Variants in DNAH1 observed in about 807,000 individuals in gnomAD.
DNAH1 encodes axonemal beta dynein heavy chain 1.
A neutral mutation model predicts 484.3 loss-of-function variants in DNAH1; 327 were observed. The observed-to-expected ratio is 0.68, with a 90% CI of 0.62 to 0.74. DNAH1 has a LOEUF of 0.74. Among genes scored for constraint, DNAH1 ranks in the 30% least tolerant of loss-of-function variants. The pLI is 0.00. For synonymous variants in DNAH1, 2,192 were observed against 2,191.9 expected, an observed-to-expected ratio of 1.00 and a Z score of 0.00; for missense variants, 5,052 against 5,546.8, an observed-to-expected ratio of 0.91 and a Z score of 2.83.
In DNAH1 at chr3:52,345,650, T is replaced by TC. The variant is rs1559507783; in HGVS notation, c.1602dup (p.Lys535GlnfsTer9). On this transcript the variant is annotated frameshift_variant, in exon 10 of 78. Coordinates refer to ENST00000420323, the MANE Select transcript of DNAH1 (RefSeq NM_015512.5). LOFTEE classifies it high-confidence loss of function. ...CATGTCCCTGTTCCACTCGAGCCTC[T>TC]CCAAGTACAGCCACCTGGAGGAATT... 1 of 1,612,904 alleles carries TC rather than the reference T, an allele frequency of 6.2e-7. No homozygotes were observed. The highest frequency in any genetic ancestry group is 1.1e-5 in the South Asian group (1 of 90,758).
rs768831672 is a variant in DNAH1, at chr3:52,359,294, G to A, written c.4315G>A (p.Ala1439Thr). The A allele has an allele frequency of 4.0e-5, 62 of 1,568,864 alleles. No homozygotes were observed. The highest frequency in any genetic ancestry group is 7.1e-5 in the East Asian group (3 of 42,350). ...GAACTGGCCTGGCCAGGTGACCATC[G>A]CTGGGTGCCAGACCTACTGGACCAT... ...VLNWPGQVTI[A>T]GCQTYWTMEV... is the part of the protein sequence containing the mutation. The change falls in exon 26 of 78, where the codon GCT (alanine) becomes ACT (threonine). Residue 1439 changes from alanine (A) to threonine (T), a missense_variant. Ala to Thr is a moderately conservative substitution (Grantham distance 58). Transcript: ENST00000420323.
At position 52,348,988 on chromosome 3, in the gene DNAH1, C is replaced by A; in HGVS notation, c.2207C>A (p.Ala736Asp). ...VEELRATIAS[A>D]VSKAMIPLQA... ...GAGCTACGGGCCACCATTGCCAGTG[C>A]CGTGTCCAAGGCCATGATCCCACTG... The change falls in exon 13 of 78, where the codon GCC becomes GAC. Residue 736 changes from alanine to aspartate, a missense_variant. Physicochemically the swap from Ala to Asp is moderately radical, Grantham distance 126. Coordinates refer to ENST00000420323, the MANE Select transcript of DNAH1 (RefSeq NM_015512.5). 6.2e-7 allele frequency: 1 copy of A among 1,613,396 alleles called. No individual in the cohort carries two copies. Among genetic ancestry groups the A allele is most frequent in the East Asian group, 2.2e-5 (1 of 44,880 alleles).
intron 6 of DNAH1, among the ~76,000 whole-genome samples, chr3:52,329,397 G>T (rs1578079365): frequency 6.6e-6 from 1 of 152,192 alleles, no homozygotes; most frequent in African/African-American, 2.4e-5. Flanking sequence ...AAGCAAAACA[G>T]AGAAGCAAAA....
chr3:52,366,710 C>T, intron 35 of DNAH1, 23 bp from the exon 36 acceptor site: 1 of 1,598,866 alleles, frequency 6.3e-7, no homozygotes, highest in South Asian at 1.1e-5. Flanking sequence ...GGGAGCCTCA[C>T]TCTCAGGCGG....
chr3:52,331,384 C>A, intron 7 of DNAH1, 75 bp downstream of exon 7: 1 of 1,488,808 alleles, frequency 6.7e-7, no homozygotes, highest in Non-Finnish European at 9.0e-7. Flanking sequence ...GCCAACTCCG[C>A]CCAGGGCACT....
At chr3:52,370,367 G>A in intron 39 of DNAH1, 110 bp from the exon 40 acceptor site, 1 of 1,557,848 alleles carries the variant, frequency 6.4e-7, no homozygotes, top group Non-Finnish European at 8.8e-7. Context: ...CCAATTGGCT[G>A]TAGAGAAACA....
At chr3:52,375,216 C>T in intron 44 of DNAH1, 24 bp from the exon 45 acceptor site, 1 of 1,582,018 alleles carries the variant, frequency 6.3e-7, no homozygotes, top group South Asian at 1.2e-5. Context: ...CAGGGCCCTT[C>T]CTGACTTCCT....
Position 52,366,905 on chromosome 3 carries a change from C to T in DNAH1, c.5765+18C>T, listed in dbSNP as rs978560459. ...CATGAGTGGTGAGTGACCCCCCAGC[C>T]TCACCGGTGACCCCCTGCTCCCAGA... On this transcript the variant is annotated intron_variant, in intron 36 of 77. Coordinates refer to ENST00000420323, the MANE Select transcript of DNAH1 (RefSeq NM_015512.5). The T allele has an allele frequency of 6.3e-7, 1 of 1,596,100 alleles. No individual in the cohort carries two copies. Among genetic ancestry groups the T allele is most frequent in the Non-Finnish European group, 8.6e-7 (1 of 1,167,140 alleles).
intron 60 of DNAH1, among the ~76,000 whole-genome samples, chr3:52,390,432 A>AAAAAG (rs986970545): frequency 6.6e-6 from 1 of 152,216 alleles, no homozygotes; most frequent in Admixed American, 6.5e-5. Flanking sequence ...GCCATTGCCA[A>AAAAAG]AAAAGAAAAG....
chr3:52,343,930 G>A (rs556062012), intron 8 of DNAH1, among the ~76,000 whole-genome samples: 1 of 152,236 alleles, frequency 6.6e-6, no homozygotes, highest in Non-Finnish European at 1.5e-5. Context: ...GGGGGAGATG[G>A]TGTGCACGCT....
chr3:52,359,121 C>G, intron 25 of DNAH1, 125 bp from the exon 26 acceptor site: 2 of 1,365,878 alleles, frequency 1.5e-6, no homozygotes, highest in South Asian at 2.9e-5. Context: ...TCTGAAGGGA[C>G]TGGTGGCATC....
chr3:52,395,006 G>T lies in DNAH1; in HGVS notation c.10915G>T (p.Ala3639Ser), dbSNP rs138940904. 4.3e-6 allele frequency: 7 copies of T among 1,611,870 alleles called. No individual in the cohort carries two copies. Among genetic ancestry groups the T allele is most frequent in the Non-Finnish European group, 5.9e-6 (7 of 1,179,002 alleles). The change falls in exon 68 of 78, where the codon GCC (alanine) becomes TCC (serine). Residue 3639 changes from alanine (A) to serine (S), a missense_variant. Physicochemically the swap from Ala to Ser is moderately conservative, Grantham distance 99. Transcript: ENST00000420323. The surrounding 1 kb of genome is among the most constrained non-coding windows in gnomAD (Gnocchi z 4.4). The part of the protein sequence containing the change: ...RCLRGDKVTN[A>S]MQDFVATNLE... ...CCTGCGTGGGGACAAGGTTACCAAC[G>T]CCATGCAGGACTTTGTGGCCACCAA...
At position 52,368,926 on chromosome 3, in the gene DNAH1, T is replaced by C. The variant is rs1703201087; in HGVS notation, c.5943+8T>C. 1 of 1,609,094 alleles carries C rather than the reference T, an allele frequency of 6.2e-7. No homozygotes were observed. The highest frequency in any genetic ancestry group is 1.1e-5 in the South Asian group (1 of 90,990). On this transcript the variant is annotated splice_region_variant and intron_variant, in intron 37 of 77. Transcript: ENST00000420323. The surrounding 1 kb of genome is among the most constrained non-coding windows in gnomAD (Gnocchi z 4.4). ...ATCATCAAGCTCACAGAGGTGCACC[T>C]ACCTGTCCACCTGCCCACTCTCCTC...
rs1314411195 is a variant in DNAH1 at position 52,352,036 on chromosome 3, A to C, written c.2804A>C (p.Glu935Ala). The C allele has an allele frequency of 1.3e-6, 2 of 1,595,666 alleles. No homozygotes were observed. Among genetic ancestry groups the C allele is most frequent in the African/African-American group, 2.7e-5 (2 of 74,502 alleles). ...ELVQQQHVED[E>A]EKFRKIQIMD... ...GTGCAGCAGCAGCATGTGGAGGATGAGGAGAAGTTCCGCAAAATCCAGATC... is the reference window on the plus strand; with the variant it reads ...GTGCAGCAGCAGCATGTGGAGGATGCGGAGAAGTTCCGCAAAATCCAGATC... Residue 935 changes from glutamate to alanine, a missense_variant, in exon 17 of 78, where the codon GAG becomes GCG. Coordinates refer to ENST00000420323, the MANE Select transcript of DNAH1 (RefSeq NM_015512.5).
intron 34 of DNAH1, among the ~76,000 whole-genome samples, chr3:52,365,582 C>T (rs560707161): frequency 2.6e-5 from 4 of 152,274 alleles, no homozygotes; most frequent in Non-Finnish European, 5.9e-5. Flanking sequence ...CCTCTCATCC[C>T]GAACCCTCGC....
chr3:52,368,931 G>C lies in DNAH1; in HGVS notation c.5943+13G>C, dbSNP rs1703201581. ...CAAGCTCACAGAGGTGCACCTACCT[G>C]TCCACCTGCCCACTCTCCTCCAAGG... On this transcript the variant is annotated intron_variant, in intron 37 of 77. Coordinates refer to ENST00000420323, the MANE Select transcript of DNAH1 (RefSeq NM_015512.5). This position sits in a 1 kb window ranked among gnomAD's most constrained non-coding sequence, Gnocchi z 4.4. 6.2e-7 allele frequency: 1 copy of C among 1,608,136 alleles called. No homozygotes were observed. The highest frequency in any genetic ancestry group is 1.3e-5 in the African/African-American group (1 of 74,950).
intron 3 of DNAH1, 131 bp from the exon 4 acceptor site, chr3:52,326,009 C>A: frequency 2.2e-6 from 2 of 924,034 alleles, no homozygotes; most frequent in Non-Finnish European, 3.0e-6. Flanking sequence ...CACTGCCCAG[C>A]CACAGGCAAG....
At position 52,353,983 on chromosome 3, in the gene DNAH1, A is replaced by G. The variant is rs1257775083; in HGVS notation, c.3480+350A>G. 6.6e-6 allele frequency among the ~76,000 whole-genome samples: 1 copy of G among 152,098 alleles called. No homozygotes were observed. The highest frequency in any genetic ancestry group is 1.5e-5 in the Non-Finnish European group (1 of 68,006). ...TGAGGAGGAAGGATCGCTTGAGCCC[A>G]GGAGTTTGAGACCAGTCTGGGCAAC... is the stretch of plus-strand genomic sequence containing the variant. On this transcript the variant is annotated intron_variant, in intron 20 of 77. Coordinates refer to ENST00000420323, the MANE Select transcript of DNAH1 (RefSeq NM_015512.5). This position sits in a 1 kb window ranked among gnomAD's most constrained non-coding sequence, Gnocchi z 5.0.
rs912730563 is a variant in DNAH1 at position 52,362,662 on chromosome 3, T to G, written c.5094+161T>G. ...GAGGGGAGGCCTCAGGGCCTCAGAC[T>G]TGTCCTCAGGGCATGGGAGAAGTCA... On this transcript the variant is annotated intron_variant, in intron 31 of 77. Coordinates refer to ENST00000420323, the MANE Select transcript of DNAH1 (RefSeq NM_015512.5). The surrounding 1 kb of genome is among the most constrained non-coding windows in gnomAD (Gnocchi z 5.1). Among the ~76,000 whole-genome samples, 2 of 152,186 alleles carry G rather than the reference T, an allele frequency of 1.3e-5. No homozygotes were observed. Among genetic ancestry groups the G allele is most frequent in the Non-Finnish European group, 2.9e-5 (2 of 68,022 alleles).
Sources: allele counts gnomAD v4.1 joint callset (sites outside exome capture counted in the v4.1 genomes callset), GRCh38; gene constraint gnomAD v4.1.1; non-coding constraint Gnocchi (gnomAD v3.1); transcripts MANE v1.5; gene names NCBI Gene and HGNC (gene_info 2026-07-23, HGNC 2026-07-21).